TMEM135: variants seen among roughly 807,000 people sequenced by gnomAD.
TMEM135 encodes the protein peroxisomal membrane protein 52.
TMEM135 carries 30 observed loss-of-function variants against 60.3 expected under a neutral mutation model. The observed-to-expected ratio is 0.50, with a 90% confidence interval of 0.37 to 0.68. The LOEUF (loss-of-function observed/expected upper bound fraction) is 0.68. Among genes scored for constraint, TMEM135 ranks in the 30% least tolerant of loss-of-function variants. The pLI is 0.00. For synonymous variants in TMEM135, 190 were observed against 186.7 expected (o/e 1.02, Z -0.14); for missense variants, 468 against 548.8 (o/e 0.85, Z 1.47).
chr11:87,157,069 C>CTT (rs1354998761), intron 4 of TMEM135, among the ~76,000 whole-genome samples: 2 of 122,398 alleles, frequency 1.6e-5, no homozygotes, highest in Non-Finnish European at 1.6e-5. Context: ...TTCTTTCTTT[C>CTT]TTTTGTTTTT....
At chr11:87,163,257 A>G (rs1473488464) in intron 5 of TMEM135, among the ~76,000 whole-genome samples, 17 of 135,208 alleles carry the variant, frequency 1.3e-4, no homozygotes. Flanking sequence ...CTCATTGTTC[A>G]ATTCCCACCT....
intron 6 of TMEM135, among the ~76,000 whole-genome samples, chr11:87,262,302 A>G (rs1941668139): frequency 6.6e-6 from 1 of 152,208 alleles, no homozygotes; most frequent in African/African-American, 2.4e-5. Context: ...AGACATATTT[A>G]ATGTTAATAG....
chr11:87,196,742 G>A (rs1373736808), intron 5 of TMEM135, among the ~76,000 whole-genome samples: 1 of 151,112 alleles, frequency 6.6e-6, no homozygotes, highest in Non-Finnish European at 1.5e-5. Context: ...AGAGACCAGA[G>A]CCAGTGAAAT....
chr11:87,168,885 A>G (rs1939144977), intron 5 of TMEM135, among the ~76,000 whole-genome samples: 1 of 151,024 alleles, frequency 6.6e-6, no homozygotes, highest in Non-Finnish European at 1.5e-5. Context: ...CGTTGATCTA[A>G]TATGGACGAT....
intron 5 of TMEM135, among the ~76,000 whole-genome samples, chr11:87,211,633 C>G (rs1188466906): frequency 6.6e-6 from 1 of 152,094 alleles, no homozygotes; most frequent in Non-Finnish European, 1.5e-5. Context: ...CAAAACAGAT[C>G]TGTTTTTCGA....
At chr11:87,165,735 A>G (rs1387033777) in intron 5 of TMEM135, among the ~76,000 whole-genome samples, 2 of 151,468 alleles carry the variant, frequency 1.3e-5, no homozygotes, top group African/African-American at 4.9e-5. Flanking sequence ...AGAAATAACT[A>G]AAATCAGAGC....
intron 1 of TMEM135, among the ~76,000 whole-genome samples, chr11:87,040,466 C>G (rs1192728247): frequency 6.6e-6 from 1 of 152,140 alleles, no homozygotes; most frequent in Non-Finnish European, 1.5e-5. Context: ...CGAGACCAGC[C>G]AGCTTGACCA....
chr11:87,204,672 G>A (rs1236335525), intron 5 of TMEM135, among the ~76,000 whole-genome samples: 2 of 152,144 alleles, frequency 1.3e-5, no homozygotes, highest in African/African-American at 4.8e-5. Flanking sequence ...TGTTCTTTAA[G>A]TGGAAGTGGA....
At position 87,177,092 on chromosome 11, in the gene TMEM135, C is replaced by T. The variant is rs183317915; in HGVS notation, c.462+19686C>T. Among the ~76,000 whole-genome samples the T allele has an allele frequency of 2.7e-4, 41 of 152,168 alleles. No individual in the cohort carries two copies. In the East Asian group the frequency reaches 4.1e-3, roughly 15 times the overall value. ...TTTAATAGGCAGAATCACAGTTGACCGTAAAATCTCTGAGACTAATGAGAG... is the reference window on the plus strand; with the variant it reads ...TTTAATAGGCAGAATCACAGTTGACTGTAAAATCTCTGAGACTAATGAGAG... On this transcript the variant is annotated intron_variant, in intron 5 of 14. Coordinates refer to ENST00000305494, the MANE Select transcript of TMEM135 (RefSeq NM_022918.4).
chr11:87,045,908 A>G lies in TMEM135; in HGVS notation c.141+7722A>G, dbSNP rs138058654. Among the ~76,000 whole-genome samples, 66 of 152,246 alleles carry G rather than the reference A, an allele frequency of 4.3e-4. No homozygotes were observed. The East Asian group carries it at 0.011, about 25-fold the overall frequency. On this transcript the variant is annotated intron_variant, in intron 1 of 14. Coordinates refer to ENST00000305494, the MANE Select transcript of TMEM135 (RefSeq NM_022918.4). Reference sequence around the variant, plus strand: ...TTACCAAGTATTTATTGAGTCTGCTATTTGCAGGGTGCTGTTTGTGGCAGC... The same window carrying G: ...TTACCAAGTATTTATTGAGTCTGCTGTTTGCAGGGTGCTGTTTGTGGCAGC...
At chr11:87,295,728 G>C (rs1427075311) in intron 6 of TMEM135, 54 bp from the exon 7 acceptor site, 5 of 1,438,802 alleles carry the variant, frequency 3.5e-6, no homozygotes, top group Admixed American at 3.7e-5. Flanking sequence ...AATTGAATAG[G>C]TACTTGTATC....
chr11:87,067,069 C>T (rs1470784047), intron 1 of TMEM135, among the ~76,000 whole-genome samples: 2 of 149,872 alleles, frequency 1.3e-5, no homozygotes, highest in African/African-American at 4.9e-5. Context: ...TGTGAGCCAC[C>T]GCGCCCGGCC....
intron 4 of TMEM135, among the ~76,000 whole-genome samples, chr11:87,116,783 C>G (rs2445560): frequency 0.48 from 72,295 of 151,378 alleles, 17,511 homozygotes; most frequent in East Asian, 0.67. Context: ...ATATAAAAAT[C>G]ATGTTTACAT....
chr11:87,151,476 T>C (rs551993519), intron 4 of TMEM135, among the ~76,000 whole-genome samples: 1 of 152,276 alleles, frequency 6.6e-6, no homozygotes, highest in African/African-American at 2.4e-5. Context: ...ATTTCTTTTT[T>C]CTGTTTATTT....
intron 6 of TMEM135, among the ~76,000 whole-genome samples, chr11:87,271,878 T>C (rs944932381): frequency 5.3e-5 from 8 of 152,020 alleles, no homozygotes; most frequent in South Asian, 2.1e-4. Flanking sequence ...CGAGGCTGCA[T>C]TGAGCAGAGA....
intron 4 of TMEM135, among the ~76,000 whole-genome samples, chr11:87,109,063 TGAGA>T (rs1228222972): frequency 1.3e-5 from 2 of 151,970 alleles, no homozygotes; most frequent in Admixed American, 6.6e-5. Context: ...AGGGATTGGG[TGAGA>T]GAGAGTACAA....
chr11:87,195,557 G>A (rs1038054409), intron 5 of TMEM135, among the ~76,000 whole-genome samples: 2 of 152,004 alleles, frequency 1.3e-5, no homozygotes, highest in Non-Finnish European at 2.9e-5. Flanking sequence ...CAGTCGAGTA[G>A]CTGGGATTAC....
chr11:87,055,358 C>T (rs986669655), intron 1 of TMEM135, among the ~76,000 whole-genome samples: 1 of 152,154 alleles, frequency 6.6e-6, no homozygotes, highest in African/African-American at 2.4e-5. Context: ...CCTTTACTTA[C>T]CTGAAAGTCA....
intron 6 of TMEM135, among the ~76,000 whole-genome samples, chr11:87,271,564 A>ATATCT (rs1554982949): frequency 0.99 from 150,615 of 152,206 alleles, 74,589 homozygotes; most frequent in Middle Eastern, 1. Context: ...AAGAATGCAA[A>ATATCT]TATTAATAAT....
Sources: allele counts gnomAD v4.1 joint callset (sites outside exome capture counted in the v4.1 genomes callset), GRCh38; gene constraint gnomAD v4.1.1; transcripts MANE v1.5; gene names NCBI Gene and HGNC (gene_info 2026-07-23, HGNC 2026-07-21).